The following GCNT1 variants were observed in gnomAD, a reference collection of about 807,000 sequenced individuals.
GCNT1 encodes the protein beta-1,3-galactosyl-O-glycosyl-glycoprotein beta-1,6-N-acetylglucosaminyltransferase.
A neutral mutation model predicts 26.2 loss-of-function variants in GCNT1; 16 were observed. The ratio of observed to expected loss-of-function variants is 0.61; its 90% CI spans 0.41 to 0.93. GCNT1 has a LOEUF of 0.93. Among genes scored for constraint, GCNT1 ranks in the 40% least tolerant of loss-of-function variants. The pLI, the probability that GCNT1 is intolerant of heterozygous loss-of-function variation, is 0.00. For missense variants in GCNT1, 477 were observed against 526.7 expected, an observed-to-expected ratio of 0.91 and a Z score of 0.92; for synonymous variants, 183 against 190.8, an observed-to-expected ratio of 0.96 and a Z score of 0.34.
chr9:76,448,531 C>A (rs540747236), intron 1 of GCNT1, among the ~76,000 whole-genome samples: 3 of 152,252 alleles, frequency 2.0e-5, no homozygotes, highest in African/African-American at 7.2e-5. Flanking sequence ...AGTTCCATGA[C>A]TTCTGACCAA....
chr9:76,507,171 G>A lies in GCNT1; in HGVS notation c.*3503G>A, dbSNP rs1825260299. On this transcript the variant is annotated 3_prime_UTR_variant, in exon 4 of 4. Coordinates refer to ENST00000376730, the MANE Select transcript of GCNT1 (RefSeq NM_001490.5). ...TACTGTTGTGAAAGTGAAAAACAAT[G>A]ATTGTATGGGTACTCAAAGTATAAT... 6.0e-6 allele frequency: 1 copy of A among 166,978 alleles called. No homozygotes were observed. Among genetic ancestry groups the A allele is most frequent in the Non-Finnish European group, 1.5e-5 (1 of 68,100 alleles). 10.3% of individuals were successfully genotyped at this position (166,978 alleles called of 1,614,324 possible). A position where few individuals can be genotyped will look rare whatever the true frequency, so the allele number is the denominator to read the frequency against.
chr9:76,450,300 A>G (rs562903501), intron 1 of GCNT1, among the ~76,000 whole-genome samples: 1 of 152,300 alleles, frequency 6.6e-6, no homozygotes, highest in South Asian at 2.1e-4. Context: ...ATATGCGTAA[A>G]TTCCTTAACA....
chr9:76,497,882 T>G (rs1475188198), intron 2 of GCNT1, among the ~76,000 whole-genome samples: 1 of 150,766 alleles, frequency 6.6e-6, no homozygotes, highest in Non-Finnish European at 1.5e-5. Flanking sequence ...TACCATAATG[T>G]TTACCCTTTT....
At chr9:76,483,295 C>T (rs1824472044) in intron 2 of GCNT1, among the ~76,000 whole-genome samples, 1 of 152,092 alleles carries the variant, frequency 6.6e-6, no homozygotes, top group Admixed American at 6.5e-5. Flanking sequence ...TAACCATTTT[C>T]AACTTTTTAC....
the GCNT1 span, among the ~76,000 whole-genome samples, chr9:76,401,697 A>G: frequency 6.6e-6 from 1 of 152,182 alleles, no homozygotes; most frequent in Non-Finnish European, 1.5e-5. Context: ...ATAATTCTCA[A>G]AGAGGTGACT....
chr9:76,474,362 A>G (rs561626215), intron 2 of GCNT1, among the ~76,000 whole-genome samples: 11 of 152,314 alleles, frequency 7.2e-5, no homozygotes. Flanking sequence ...GTAGTGACCT[A>G]AAATCCTTAT....
the GCNT1 span, among the ~76,000 whole-genome samples, chr9:76,407,617 T>A: frequency 6.6e-6 from 1 of 152,224 alleles, no homozygotes; most frequent in Non-Finnish European, 1.5e-5. Context: ...TGTGTCTCCA[T>A]ATAAACTTTA....
chr9:76,407,851 C>A, the GCNT1 span, among the ~76,000 whole-genome samples: 1 of 152,010 alleles, frequency 6.6e-6, no homozygotes. Flanking sequence ...AGATTCATAC[C>A]TAAGTATTCC....
At chr9:76,399,139 G>C in the GCNT1 span, 5 of 1,508,346 alleles carry the variant, frequency 3.3e-6, no homozygotes, top group South Asian at 5.6e-5. Context: ...CCATTGCTCT[G>C]TGTAACACAG....
intron 1 of GCNT1, among the ~76,000 whole-genome samples, chr9:76,446,376 C>A (rs141155168): frequency 5.3e-5 from 8 of 152,098 alleles, no homozygotes; most frequent in African/African-American, 1.7e-4. Flanking sequence ...GTGGAAAAGA[C>A]GGCTGCCAAA....
intron 2 of GCNT1, among the ~76,000 whole-genome samples, chr9:76,472,835 G>T (rs904585090): frequency 6.9e-6 from 1 of 145,148 alleles, no homozygotes; most frequent in Non-Finnish European, 1.5e-5. Context: ...TGCAACTTCT[G>T]CCTCCCAGAT....
At chr9:76,395,198 C>G in the GCNT1 span, among the ~76,000 whole-genome samples, 1 of 152,194 alleles carries the variant, frequency 6.6e-6, no homozygotes, top group African/African-American at 2.4e-5. Flanking sequence ...TAGCTCTGGG[C>G]TCACTCACAG....
the GCNT1 span, among the ~76,000 whole-genome samples, chr9:76,413,246 C>T: frequency 6.6e-6 from 1 of 152,302 alleles, no homozygotes; most frequent in Admixed American, 6.5e-5. Flanking sequence ...ATAAACTGGA[C>T]ACAGGTCAGA....
At chr9:76,478,240 C>G (rs1020542688) in intron 2 of GCNT1, among the ~76,000 whole-genome samples, 2 of 152,224 alleles carry the variant, frequency 1.3e-5, no homozygotes, top group Non-Finnish European at 2.9e-5. Flanking sequence ...CTGTTGGTCA[C>G]TCTTTGCGTC....
intron 2 of GCNT1, among the ~76,000 whole-genome samples, chr9:76,497,854 C>G (rs72747378): frequency 0.082 from 12,542 of 152,178 alleles, 571 homozygotes; most frequent in Middle Eastern, 0.17. Context: ...CTAATAATAG[C>G]TTTATTGAAT....
At chr9:76,452,110 A>G (rs1305421796) in intron 1 of GCNT1, among the ~76,000 whole-genome samples, 1 of 151,920 alleles carries the variant, frequency 6.6e-6, no homozygotes. Context: ...CTGGGATTAC[A>G]GGCCCCTGCC....
intron 2 of GCNT1, among the ~76,000 whole-genome samples, chr9:76,496,188 G>C (rs1449896301): frequency 6.6e-6 from 1 of 152,210 alleles, no homozygotes; most frequent in Non-Finnish European, 1.5e-5. Flanking sequence ...GGAAGGGAGA[G>C]CCTCTGCAGA....
rs1825190292 is a variant in GCNT1 at position 76,504,747 on chromosome 9, A to G, written c.*1079A>G. 2.4e-6 allele frequency: 1 copy of G among 413,470 alleles called. No individual in the cohort carries two copies. The highest frequency in any genetic ancestry group is 4.4e-6 in the Non-Finnish European group (1 of 226,120). The allele number at this position is 413,470 out of a possible 1,614,324, so 25.6% of individuals were successfully genotyped here. A position where few individuals can be genotyped will look rare whatever the true frequency, so the allele number is the denominator to read the frequency against. ...ATTGTTTTATCCTAATGTCACCTGTATATTCATTTGAAAGGACTTGGCCCT... is the reference window on the plus strand; with the variant it reads ...ATTGTTTTATCCTAATGTCACCTGTGTATTCATTTGAAAGGACTTGGCCCT... On this transcript the variant is annotated 3_prime_UTR_variant, in exon 4 of 4. Coordinates refer to ENST00000376730, the MANE Select transcript of GCNT1 (RefSeq NM_001490.5).
intron 2 of GCNT1, among the ~76,000 whole-genome samples, chr9:76,464,123 T>G (rs529555415): frequency 9.2e-5 from 14 of 152,042 alleles, no homozygotes; most frequent in African/African-American, 3.4e-4. Context: ...GGGATAAACT[T>G]AGAGGCTGAA....
Sources: gnomAD v4.1 joint callset for allele counts (sites outside exome capture counted in the v4.1 genomes callset) on GRCh38, gnomAD v4.1.1 for gene constraint, MANE v1.5 for transcripts, NCBI Gene and HGNC (gene_info 2026-07-23, HGNC 2026-07-21) for gene names.